NRG1: variants seen among roughly 807,000 people sequenced by gnomAD.
NRG1 encodes neuregulin 1, also known as pro-neuregulin-1, membrane-bound isoform.
NRG1 carries 18 observed loss-of-function variants against 63.8 expected under a neutral mutation model. The observed-to-expected ratio is 0.28, with a 90% CI of 0.19 to 0.42. The LOEUF (loss-of-function observed/expected upper bound fraction) is 0.42, where lower values mean the gene tolerates loss of function less well. Among genes scored for constraint, NRG1 ranks in the 10% least tolerant of loss-of-function variants. The pLI is 1.00. For synonymous variants in NRG1, 302 were observed against 301.3 expected, an observed-to-expected ratio of 1.00 and a Z score of -0.02; for missense variants, 762 against 814.7, an observed-to-expected ratio of 0.94 and a Z score of 0.79.
intron 1 of NRG1, among the ~76,000 whole-genome samples, chr8:32,332,007 C>G (rs1391840705): frequency 6.6e-6 from 1 of 151,674 alleles, no homozygotes; most frequent in African/African-American, 2.4e-5. Flanking sequence ...TGGAAGTGGC[C>G]AGGAGTGGTG....
intron 1 of NRG1, among the ~76,000 whole-genome samples, chr8:32,183,640 T>C (rs1202670304): frequency 6.6e-6 from 1 of 152,218 alleles, no homozygotes; most frequent in Non-Finnish European, 1.5e-5. Context: ...TGCCAGCCAC[T>C]AATAGCCTTC....
chr8:32,312,948 G>GT (rs1856989506), intron 1 of NRG1, among the ~76,000 whole-genome samples: 1 of 152,174 alleles, frequency 6.6e-6, no homozygotes, highest in Non-Finnish European at 1.5e-5. Context: ...AAGGTCAGGA[G>GT]TTTAAGACCA....
At chr8:32,021,807 A>G (rs186567263) in intron 1 of NRG1, among the ~76,000 whole-genome samples, 141 of 152,354 alleles carry the variant, frequency 9.3e-4, no homozygotes, top group South Asian at 9.1e-3. Context: ...AATGCAAATT[A>G]ATATTCATTG....
chr8:32,438,825 A>G (rs887619035), intron 1 of NRG1, among the ~76,000 whole-genome samples: 11 of 152,074 alleles, frequency 7.2e-5, no homozygotes, highest in Non-Finnish European at 1.3e-4. Flanking sequence ...TTGCATCTGT[A>G]TATCTTCTTT....
intron 1 of NRG1, among the ~76,000 whole-genome samples, chr8:31,958,080 T>TAGAC (rs71539999): frequency 1.3e-5 from 2 of 151,792 alleles, no homozygotes; most frequent in Admixed American, 6.6e-5. Flanking sequence ...GATAGATAGA[T>TAGAC]AGACAGACAG....
At chr8:32,308,669 C>T (rs1230824805) in intron 1 of NRG1, among the ~76,000 whole-genome samples, 2 of 152,162 alleles carry the variant, frequency 1.3e-5, no homozygotes, top group South Asian at 2.1e-4. Context: ...TTATGATCTT[C>T]CCTGTGTAGC....
At chr8:32,569,080 C>T (rs1040375262) in intron 1 of NRG1, among the ~76,000 whole-genome samples, 3 of 152,064 alleles carry the variant, frequency 2.0e-5, no homozygotes, top group Non-Finnish European at 2.9e-5. Context: ...GACAGCATCT[C>T]GCTCTGTCAC....
intron 1 of NRG1, among the ~76,000 whole-genome samples, chr8:31,916,030 A>G (rs1014190553): frequency 6.6e-6 from 1 of 152,132 alleles, no homozygotes; most frequent in Non-Finnish European, 1.5e-5. Flanking sequence ...GAGATGTCCA[A>G]GGAAACAGGA....
intron 1 of NRG1, among the ~76,000 whole-genome samples, chr8:31,984,266 T>C (rs1809658772): frequency 6.6e-6 from 1 of 152,132 alleles, no homozygotes; most frequent in Admixed American, 6.6e-5. Context: ...AATTATTGCA[T>C]GATACAATCT....
chr8:31,998,196 A>G (rs1812331389), intron 1 of NRG1, among the ~76,000 whole-genome samples: 1 of 151,970 alleles, frequency 6.6e-6, no homozygotes, highest in South Asian at 2.1e-4. Flanking sequence ...GAAATTTTTG[A>G]TTCCAGCCTA....
chr8:32,516,523 G>T (rs1347976956), intron 1 of NRG1, among the ~76,000 whole-genome samples: 1 of 152,062 alleles, frequency 6.6e-6, no homozygotes, highest in Non-Finnish European at 1.5e-5. Flanking sequence ...TGGGAAATAC[G>T]GCCATTTTAA....
chr8:32,657,790 A>G (rs1413306611), intron 5 of NRG1, among the ~76,000 whole-genome samples: 1 of 152,178 alleles, frequency 6.6e-6, no homozygotes, highest in Non-Finnish European at 1.5e-5. Context: ...GATGCTAAGT[A>G]CTGCCTACAA....
chr8:32,127,687 C>T (rs901782179), intron 1 of NRG1, among the ~76,000 whole-genome samples: 3 of 151,826 alleles, frequency 2.0e-5, no homozygotes, highest in Middle Eastern at 3.4e-3. Context: ...TGCACAAATA[C>T]GTGAATTCTG....
At chr8:32,744,865 C>A (rs1288544669) in intron 7 of NRG1, among the ~76,000 whole-genome samples, 1 of 152,114 alleles carries the variant, frequency 6.6e-6, no homozygotes, top group Non-Finnish European at 1.5e-5. Flanking sequence ...TTTAAAATAA[C>A]CACTATGTTT....
intron 1 of NRG1, among the ~76,000 whole-genome samples, chr8:32,329,921 T>G (rs529476266): frequency 6.6e-6 from 1 of 151,758 alleles, no homozygotes; most frequent in Non-Finnish European, 1.5e-5. Flanking sequence ...TCATCCAGGT[T>G]GGAATGCAAT....
At chr8:32,236,795 A>T (rs540242249) in intron 1 of NRG1, among the ~76,000 whole-genome samples, 1 of 152,186 alleles carries the variant, frequency 6.6e-6, no homozygotes, top group South Asian at 2.1e-4. Context: ...AACCTGAAGG[A>T]TTACTTTGGC....
At chr8:32,457,912 G>A (rs1821805973) in intron 1 of NRG1, among the ~76,000 whole-genome samples, 1 of 141,210 alleles carries the variant, frequency 7.1e-6, no homozygotes, top group East Asian at 2.0e-4. Context: ...AGCACGTAAA[G>A]CAACTTTTTT....
intron 1 of NRG1, among the ~76,000 whole-genome samples, chr8:32,572,712 GGT>G (rs2129528981): frequency 6.6e-6 from 1 of 152,160 alleles, no homozygotes; most frequent in East Asian, 1.9e-4. Flanking sequence ...GATTCCAAGT[GGT>G]TGAGACATTC....
chr8:32,769,242 TA>T (rs1394926737), downstream of NRG1, among the ~76,000 whole-genome samples: 1 of 152,218 alleles, frequency 6.6e-6, no homozygotes, highest in East Asian at 1.9e-4. Flanking sequence ...TAATTTTGGT[TA>T]AAATTGTTTG....
Sources: gnomAD v4.1 joint callset for allele counts (sites outside exome capture counted in the v4.1 genomes callset) on GRCh38, gnomAD v4.1.1 for gene constraint, MANE v1.5 for transcripts, NCBI Gene and HGNC (gene_info 2026-07-23, HGNC 2026-07-21) for gene names.